DTD1: variants seen among roughly 807,000 people sequenced by gnomAD.
DTD1 encodes the protein D-tyrosyl-tRNA deacylase 1 homolog.
Under a neutral mutation model 25.6 loss-of-function variants are expected in DTD1, and 13 were observed. The observed-to-expected ratio is 0.51, with a 90% CI of 0.33 to 0.81. The LOEUF (loss-of-function observed/expected upper bound fraction) is 0.81, where lower values mean the gene tolerates loss of function less well. DTD1 is among the 30% of genes least tolerant of loss of function. The probability of loss-of-function intolerance (pLI) is 0.02; values close to 1 mark genes in which losing one functional copy is unlikely to be tolerated. For synonymous variants in DTD1, 110 were observed against 103.6 expected (o/e 1.06, Z -0.37); for missense variants, 193 against 266.4 (o/e 0.72, Z 1.92).
chr20:18,594,833 G>C (rs2060603472), intron 2 of DTD1, among the ~76,000 whole-genome samples: 1 of 152,212 alleles, frequency 6.6e-6, no homozygotes, highest in African/African-American at 2.4e-5. Context: ...TTATGGCTCT[G>C]ACATACTACA....
At position 18,662,294 on chromosome 20, in the gene DTD1, G is replaced by A. The variant is rs879874096; in HGVS notation, c.477+34061G>A. Among the ~76,000 whole-genome samples the A allele has an allele frequency of 3.3e-5, 5 of 152,030 alleles. 1 individual carries two copies. The highest frequency in any genetic ancestry group is 2.0e-4 in the Admixed American group (3 of 15,270). On this transcript the variant is annotated intron_variant, in intron 4 of 5. Coordinates refer to ENST00000377452, the MANE Select transcript of DTD1 (RefSeq NM_080820.6). Reference sequence around the variant, plus strand: ...AATTTTTGTTGGCCAGGCTGGTCTCGAACTTCTGACCTCAAGCGATCTGCC... The same window carrying A: ...AATTTTTGTTGGCCAGGCTGGTCTCAAACTTCTGACCTCAAGCGATCTGCC...
At chr20:18,681,630 G>C (rs903915754) in intron 4 of DTD1, among the ~76,000 whole-genome samples, 14 of 152,128 alleles carry the variant, frequency 9.2e-5, no homozygotes, top group African/African-American at 3.1e-4. Flanking sequence ...TTCCAGTGTT[G>C]AGAGAAAAAG....
At chr20:18,737,274 T>TGAG (rs11472080) in intron 4 of DTD1, among the ~76,000 whole-genome samples, 52,714 of 151,888 alleles carry the variant, frequency 0.35, 9,438 homozygotes, top group Non-Finnish European at 0.4. Context: ...TGCCTGGGAG[T>TGAG]GAGTAGACAC....
intron 4 of DTD1, among the ~76,000 whole-genome samples, chr20:18,668,568 G>A (rs949726211): frequency 1.3e-5 from 2 of 152,118 alleles, no homozygotes; most frequent in African/African-American, 4.8e-5. Context: ...CACACCTGTG[G>A]CAAGGCCCCA....
chr20:18,588,653 G>A, intron 1 of DTD1: 1 of 839,224 alleles, frequency 1.2e-6, no homozygotes, highest in Non-Finnish European at 1.4e-6. Flanking sequence ...GTACGTGACT[G>A]GAGCCTAGGC....
At chr20:18,601,753 C>G (rs1213665764) in intron 3 of DTD1, among the ~76,000 whole-genome samples, 1 of 151,988 alleles carries the variant, frequency 6.6e-6, no homozygotes, top group Non-Finnish European at 1.5e-5. Context: ...GAAAGGACAT[C>G]CACACCGAAA....
chr20:18,683,334 C>T (rs1379862594), intron 4 of DTD1, among the ~76,000 whole-genome samples: 1 of 152,196 alleles, frequency 6.6e-6, no homozygotes, highest in Non-Finnish European at 1.5e-5. Context: ...TGTGACTCTT[C>T]TGGGAACTGC....
At chr20:18,655,636 T>C (rs987008211) in intron 4 of DTD1, among the ~76,000 whole-genome samples, 2 of 152,210 alleles carry the variant, frequency 1.3e-5, no homozygotes, top group Non-Finnish European at 2.9e-5. Flanking sequence ...AGAGCCATGC[T>C]GGAGGGAAGC....
chr20:18,650,803 A>T (rs1436115880), intron 4 of DTD1, among the ~76,000 whole-genome samples: 1 of 152,322 alleles, frequency 6.6e-6, no homozygotes, highest in East Asian at 1.9e-4. Flanking sequence ...AGCAGGTAGT[A>T]ATTGGGCAAC....
intron 3 of DTD1, among the ~76,000 whole-genome samples, chr20:18,599,937 A>G (rs1483849497): frequency 6.6e-6 from 1 of 152,176 alleles, no homozygotes; most frequent in Non-Finnish European, 1.5e-5. Context: ...GTCTTTTGCA[A>G]ATATTCAACT....
intron 3 of DTD1, among the ~76,000 whole-genome samples, chr20:18,625,846 G>A (rs1225403782): frequency 1.3e-5 from 2 of 152,210 alleles, no homozygotes; most frequent in African/African-American, 2.4e-5. Context: ...TTTAGGGGAT[G>A]TGCTTAGATG....
chr20:18,736,839 T>C (rs1425670569), intron 4 of DTD1, among the ~76,000 whole-genome samples: 3 of 152,254 alleles, frequency 2.0e-5, no homozygotes, highest in Non-Finnish European at 4.4e-5. Context: ...CTGTGCCCTC[T>C]GAGGCTATTG....
chr20:18,656,347 T>A (rs2060891541), intron 4 of DTD1, among the ~76,000 whole-genome samples: 1 of 152,232 alleles, frequency 6.6e-6, no homozygotes, highest in Admixed American at 6.5e-5. Context: ...GCACACAGAC[T>A]CAGAAATCTC....
At chr20:18,658,178 A>T (rs1488700407) in intron 4 of DTD1, among the ~76,000 whole-genome samples, 1 of 143,996 alleles carries the variant, frequency 6.9e-6, no homozygotes, top group Non-Finnish European at 1.5e-5. Context: ...CAGAGGGCAT[A>T]AGAGTCTGAG....
intron 4 of DTD1, among the ~76,000 whole-genome samples, chr20:18,729,636 G>A (rs1481936118): frequency 6.6e-6 from 1 of 152,250 alleles, no homozygotes; most frequent in Non-Finnish European, 1.5e-5. Flanking sequence ...TAAAAATGAA[G>A]TGTCATCACT....
At chr20:18,685,983 T>C (rs2061015168) in intron 4 of DTD1, among the ~76,000 whole-genome samples, 2 of 152,228 alleles carry the variant, frequency 1.3e-5, no homozygotes, top group African/African-American at 4.8e-5. Flanking sequence ...TGGGAGCCTG[T>C]AGGGCCTTTG....
At chr20:18,607,721 T>G (rs1344781029) in intron 3 of DTD1, among the ~76,000 whole-genome samples, 1 of 146,924 alleles carries the variant, frequency 6.8e-6, no homozygotes, top group African/African-American at 2.5e-5. Context: ...TCTTTCTTTC[T>G]TTTTTTTTTT....
intron 5 of DTD1, among the ~76,000 whole-genome samples, chr20:18,748,049 CA>C (rs2061307354): frequency 6.6e-6 from 1 of 151,590 alleles, no homozygotes; most frequent in Non-Finnish European, 1.5e-5. Flanking sequence ...CAAAACAAAA[CA>C]AAAAAACAAC....
At chr20:18,698,995 G>A (rs2061091311) in intron 4 of DTD1, among the ~76,000 whole-genome samples, 2 of 152,244 alleles carry the variant, frequency 1.3e-5, no homozygotes, top group African/African-American at 4.8e-5. Context: ...GCAGGCCAGA[G>A]GGTTGGTGTT....
Sources: allele counts gnomAD v4.1 joint callset (sites outside exome capture counted in the v4.1 genomes callset), GRCh38; gene constraint gnomAD v4.1.1; transcripts MANE v1.5; gene names NCBI Gene and HGNC (gene_info 2026-07-23, HGNC 2026-07-21).